DIAPH3: variants seen among roughly 807,000 people sequenced by gnomAD.
DIAPH3 encodes the protein diaphanous related formin 3, also known as protein diaphanous homolog 3.
Under a neutral mutation model 144.3 loss-of-function variants are expected in DIAPH3, and 117 were observed. The ratio of observed to expected loss-of-function variants is 0.81; its 90% confidence interval spans 0.70 to 0.95. DIAPH3 has a LOEUF of 0.95. Among genes scored for constraint, DIAPH3 ranks in the 40% least tolerant of loss-of-function variants. DIAPH3 has a pLI of 0.00. For missense variants in DIAPH3, 1,421 were observed against 1,412.7 expected, an observed-to-expected ratio of 1.01 and a Z score of -0.09; for synonymous variants, 519 against 488.9, an observed-to-expected ratio of 1.06 and a Z score of -0.81.
chr13:59,717,799 C>T (rs1022279407), intron 27 of DIAPH3, among the ~76,000 whole-genome samples: 2 of 151,488 alleles, frequency 1.3e-5, no homozygotes, highest in African/African-American at 2.4e-5. Context: ...TTCTACCCCA[C>T]TCAAAAAACA....
intron 27 of DIAPH3, among the ~76,000 whole-genome samples, chr13:59,679,463 G>A (rs930564300): frequency 6.6e-6 from 1 of 152,088 alleles, no homozygotes; most frequent in Non-Finnish European, 1.5e-5. Flanking sequence ...GTCTTCTCGG[G>A]GCTTTGGGCT....
At chr13:59,818,886 T>C (rs531161162) in intron 24 of DIAPH3, among the ~76,000 whole-genome samples, 2 of 152,072 alleles carry the variant, frequency 1.3e-5, no homozygotes, top group South Asian at 4.1e-4. Flanking sequence ...TATTTGCTTT[T>C]TTCAAAACTG....
At chr13:59,903,521 A>C (rs567055041) in intron 20 of DIAPH3, among the ~76,000 whole-genome samples, 1 of 152,270 alleles carries the variant, frequency 6.6e-6, no homozygotes, top group South Asian at 2.1e-4. Flanking sequence ...TTCTGAGTTA[A>C]AAATCAGGAA....
chr13:59,970,120 C>A, intron 16 of DIAPH3, 62 bp from the exon 17 acceptor site: 1 of 906,438 alleles, frequency 1.1e-6, no homozygotes, highest in Non-Finnish European at 1.8e-6. Context: ...CCAAGTCAAG[C>A]ACTATGCATA....
intron 12 of DIAPH3, among the ~76,000 whole-genome samples, chr13:59,988,794 T>C (rs560348958): frequency 6.6e-6 from 1 of 152,008 alleles, no homozygotes; most frequent in African/African-American, 2.4e-5. Context: ...CGCATTTAAC[T>C]AGCGTGGTAT....
intron 25 of DIAPH3, among the ~76,000 whole-genome samples, chr13:59,800,113 C>T (rs952208200): frequency 8.5e-5 from 13 of 152,294 alleles, no homozygotes; most frequent in Non-Finnish European, 1.5e-4. Context: ...AAAACATGCA[C>T]ACAAGTGCGT....
At chr13:60,022,282 T>C (rs2054078639) in intron 5 of DIAPH3, among the ~76,000 whole-genome samples, 1 of 152,160 alleles carries the variant, frequency 6.6e-6, no homozygotes, top group Non-Finnish European at 1.5e-5. Flanking sequence ...TTCCCTATGG[T>C]GTAAAACAAG....
At chr13:60,025,443 T>C (rs566406718) in intron 5 of DIAPH3, among the ~76,000 whole-genome samples, 1 of 143,002 alleles carries the variant, frequency 7.0e-6, no homozygotes, top group East Asian at 2.0e-4. Flanking sequence ...ATTTAGTCTA[T>C]CTTTCAAACA....
chr13:59,944,795 G>GT (rs68168683), intron 17 of DIAPH3, among the ~76,000 whole-genome samples: 2 of 33,342 alleles, frequency 6.0e-5, no homozygotes, highest in Non-Finnish European at 2.0e-4. Flanking sequence ...TAGAAAAAAA[G>GT]GGGGGGGGCT....
chr13:59,865,043 A>C (rs975987404), intron 21 of DIAPH3, among the ~76,000 whole-genome samples: 1 of 152,000 alleles, frequency 6.6e-6, no homozygotes, highest in East Asian at 1.9e-4. Context: ...ATGCAGCTCT[A>C]AACTCCAGGG....
intron 17 of DIAPH3, among the ~76,000 whole-genome samples, chr13:59,948,960 A>G (rs1392035132): frequency 6.6e-6 from 1 of 152,326 alleles, no homozygotes; most frequent in East Asian, 1.9e-4. Context: ...TACATGATTC[A>G]TTAATCAGGT....
chr13:60,016,655 A>C lies in DIAPH3; in HGVS notation c.627-510T>G, dbSNP rs564091563. Among the ~76,000 whole-genome samples, 42 of 152,364 alleles carry C rather than the reference A, an allele frequency of 2.8e-4. 1 individual carries two copies. In the South Asian group the frequency reaches 7.2e-3, roughly 26 times the overall value. ...TTACTGGCAAAAATTAATTAAAAAA[A>C]AGAGATGCTTTAGCAGAATTCCCCA... On this transcript the variant is annotated intron_variant, in intron 5 of 27. Transcript: ENST00000400324.
At chr13:60,037,272 TG>T (rs955296818) in intron 5 of DIAPH3, among the ~76,000 whole-genome samples, 3 of 151,748 alleles carry the variant, frequency 2.0e-5, no homozygotes, top group Non-Finnish European at 1.5e-5. Flanking sequence ...TAAAATAATC[TG>T]GGGGGCGGGG....
At chr13:59,969,362 A>G (rs2050226503) in intron 17 of DIAPH3, among the ~76,000 whole-genome samples, 1 of 152,224 alleles carries the variant, frequency 6.6e-6, no homozygotes, top group Non-Finnish European at 1.5e-5. Context: ...ATAGCAATTA[A>G]TTAAATTATG....
intron 1 of DIAPH3, among the ~76,000 whole-genome samples, chr13:60,157,744 G>C (rs1290120289): frequency 6.6e-6 from 1 of 152,048 alleles, no homozygotes; most frequent in Non-Finnish European, 1.5e-5. Flanking sequence ...TGCTTTTTGT[G>C]TTTGTTTTAG....
At chr13:59,684,064 A>AG (rs1278063988) in intron 27 of DIAPH3, among the ~76,000 whole-genome samples, 1 of 152,004 alleles carries the variant, frequency 6.6e-6, no homozygotes, top group Non-Finnish European at 1.5e-5. Flanking sequence ...AAAAAAAAAA[A>AG]CAAGGCCAAG....
At chr13:59,718,366 A>T (rs2035166095) in intron 27 of DIAPH3, among the ~76,000 whole-genome samples, 1 of 152,242 alleles carries the variant, frequency 6.6e-6, no homozygotes, top group Non-Finnish European at 1.5e-5. Flanking sequence ...CTCAGAAAGA[A>T]AATCAGATGT....
rs1452337640 is a variant in DIAPH3 at position 59,810,777 on chromosome 13, A to G, written c.3163+11T>C. On this transcript the variant is annotated intron_variant, in intron 25 of 27. Coordinates refer to ENST00000400324, the MANE Select transcript of DIAPH3 (RefSeq NM_001042517.2). ...ATACATAGAATAAATAACAAATTTG[A>G]TAGTACTCACCAGTCTTCATTTCTA... The G allele has an allele frequency of 3.1e-6, 5 of 1,612,314 alleles. No homozygotes were observed. The East Asian group carries it at 6.7e-5, about 22-fold the overall frequency.
At chr13:59,888,356 C>T (rs768588562) in intron 20 of DIAPH3, among the ~76,000 whole-genome samples, 2 of 152,056 alleles carry the variant, frequency 1.3e-5, no homozygotes, top group Non-Finnish European at 2.9e-5. Flanking sequence ...ATGGAAGTCC[C>T]GGCTTCCAGA....
Sources: gnomAD v4.1 joint callset for allele counts (sites outside exome capture counted in the v4.1 genomes callset) on GRCh38, gnomAD v4.1.1 for gene constraint, MANE v1.5 for transcripts, NCBI Gene and HGNC (gene_info 2026-07-23, HGNC 2026-07-21) for gene names.